RBMS3: variants seen among roughly 807,000 people sequenced by gnomAD.
The protein encoded by RBMS3 is RNA-binding motif, single-stranded-interacting protein 3.
In RBMS3, 27 loss-of-function variants were observed where a neutral mutation model predicts 66.8. That is an observed-to-expected ratio of 0.40 (90% CI 0.30 to 0.56). RBMS3 has a LOEUF of 0.56. RBMS3 is among the 20% of genes least tolerant of loss of function. The pLI is 0.40. For missense variants in RBMS3, 513 were observed against 549.5 expected (o/e 0.93, Z 0.66); for synonymous variants, 188 against 183.0 (o/e 1.03, Z -0.22).
chr3:29,887,182 G>A (rs958116658), intron 8 of RBMS3, among the ~76,000 whole-genome samples: 3 of 151,726 alleles, frequency 2.0e-5, no homozygotes, highest in Non-Finnish European at 2.9e-5. Context: ...ATGACCGACC[G>A]AAACTGGATG....
chr3:29,762,993 AG>A lies in RBMS3; in HGVS notation c.637+5del. 6.3e-7 allele frequency: 1 copy of A among 1,584,832 alleles called. No homozygotes were observed. Among genetic ancestry groups the A allele is most frequent in the Non-Finnish European group, 8.6e-7 (1 of 1,156,132 alleles). On this transcript the variant is annotated splice_donor_5th_base_variant and intron_variant, in intron 6 of 14. Coordinates refer to ENST00000383767, the MANE Select transcript of RBMS3 (RefSeq NM_001003793.3). ...AAAACACCACCAGGCATCCCAGGTA[AG>A]AAATTCACTAATAAGTGACTGAATG... is the stretch of plus-strand genomic sequence containing the variant.
At chr3:29,672,409 A>C (rs1389605033) in intron 4 of RBMS3, among the ~76,000 whole-genome samples, 1 of 152,204 alleles carries the variant, frequency 6.6e-6, no homozygotes, top group East Asian at 1.9e-4. Flanking sequence ...TAACGTCATA[A>C]TGACTGGATC....
intron 4 of RBMS3, among the ~76,000 whole-genome samples, chr3:29,683,136 C>T (rs1292761081): frequency 6.6e-6 from 1 of 152,134 alleles, no homozygotes; most frequent in Non-Finnish European, 1.5e-5. Context: ...TCCTACATAA[C>T]ACTTCAGCAG....
chr3:29,917,974 G>C (rs1362280619), intron 10 of RBMS3, among the ~76,000 whole-genome samples: 2 of 152,078 alleles, frequency 1.3e-5, no homozygotes, highest in African/African-American at 2.4e-5. Context: ...ATATAATATT[G>C]TATATACTAT....
intron 1 of RBMS3, among the ~76,000 whole-genome samples, chr3:29,356,770 A>G (rs892481371): frequency 6.6e-6 from 1 of 152,144 alleles, no homozygotes; most frequent in African/African-American, 2.4e-5. Flanking sequence ...ATATTCAGAT[A>G]CCTAATATGA....
chr3:29,920,067 C>T (rs930329903), intron 10 of RBMS3, among the ~76,000 whole-genome samples: 1 of 151,722 alleles, frequency 6.6e-6, no homozygotes, highest in Non-Finnish European at 1.5e-5. Flanking sequence ...GACTATTTAC[C>T]GCAGGTCTGA....
At chr3:29,660,198 CTTT>C (rs760126910) in intron 4 of RBMS3, among the ~76,000 whole-genome samples, 1 of 151,866 alleles carries the variant, frequency 6.6e-6, no homozygotes, top group East Asian at 1.9e-4. Flanking sequence ...CTTCAATTGT[CTTT>C]TTTTTACTTC....
chr3:29,355,186 C>T (rs1472737324), intron 1 of RBMS3, among the ~76,000 whole-genome samples: 1 of 152,068 alleles, frequency 6.6e-6, no homozygotes, highest in Non-Finnish European at 1.5e-5. Flanking sequence ...GTCAATCTTG[C>T]CTGTCTTTCT....
chr3:29,796,713 T>C (rs77034877), intron 6 of RBMS3, among the ~76,000 whole-genome samples: 1 of 47,058 alleles, frequency 2.1e-5, no homozygotes, highest in Non-Finnish European at 5.5e-5. Flanking sequence ...GAAAGGAATC[T>C]TTTTTTTTTT....
rs78255085 is a variant in RBMS3, at chr3:29,887,790, G to A, written c.791+3582G>A. 7.5e-3 allele frequency among the ~76,000 whole-genome samples: 1,136 copies of A among 151,890 alleles called. 15 individuals are homozygous for A. Among genetic ancestry groups the A allele is most frequent in the African/African-American group, 0.026 (1,098 of 41,494 alleles). On this transcript the variant is annotated intron_variant, in intron 8 of 14. Transcript: ENST00000383767. ...AAATGTGGAACTGAAGTTAGGGAAT[G>A]ATAACTTGTTATGCATGATTTTAAT...
intron 6 of RBMS3, among the ~76,000 whole-genome samples, chr3:29,868,295 C>A (rs887428679): frequency 6.6e-5 from 10 of 152,066 alleles, no homozygotes; most frequent in African/African-American, 2.2e-4. Context: ...ATTGTTCTCC[C>A]TGGGATTCTG....
chr3:29,642,540 G>C (rs1206323118), intron 4 of RBMS3: 2 of 151,960 alleles, frequency 1.3e-5, no homozygotes, highest in Non-Finnish European at 1.5e-5. Flanking sequence ...CCCATCTCTT[G>C]CCAGAGGCCA....
chr3:29,618,828 G>T (rs1281832419), intron 4 of RBMS3, among the ~76,000 whole-genome samples: 1 of 152,136 alleles, frequency 6.6e-6, no homozygotes, highest in African/African-American at 2.4e-5. Flanking sequence ...CTGGAATGCT[G>T]CTTTAATTTG....
rs1576596691 is a variant in RBMS3, at chr3:29,714,445, A to G, written c.400-25275A>G. ...ATGGGACAGTATCTATGAGACATCC[A>G]AGTGGAAATGTTGAATAGACAGCCA... On this transcript the variant is annotated intron_variant, in intron 4 of 14. Transcript: ENST00000383767. 2.0e-5 allele frequency among the ~76,000 whole-genome samples: 3 copies of G among 152,290 alleles called. No homozygotes were observed. In the South Asian group the frequency reaches 6.2e-4, roughly 32 times the overall value.
chr3:29,509,460 A>G (rs548388231), intron 3 of RBMS3, among the ~76,000 whole-genome samples: 10 of 152,324 alleles, frequency 6.6e-5, no homozygotes, highest in African/African-American at 2.4e-4. Flanking sequence ...TTCATTTTCT[A>G]GGTGAAAGAG....
intron 5 of RBMS3, among the ~76,000 whole-genome samples, chr3:29,761,506 C>G (rs2055687309): frequency 6.6e-6 from 1 of 152,106 alleles, no homozygotes; most frequent in African/African-American, 2.4e-5. Context: ...AGCTCAGCCC[C>G]CTGCCCTAAT....
intron 3 of RBMS3, among the ~76,000 whole-genome samples, chr3:29,506,097 G>A (rs1559419738): frequency 6.6e-6 from 1 of 151,524 alleles, no homozygotes; most frequent in Non-Finnish European, 1.5e-5. Context: ...TTCTCGCTAG[G>A]GGACGTCCAG....
intron 6 of RBMS3, among the ~76,000 whole-genome samples, chr3:29,861,129 A>T (rs567729836): frequency 1.3e-5 from 2 of 152,182 alleles, no homozygotes; most frequent in Non-Finnish European, 2.9e-5. Flanking sequence ...TTCAATTGAG[A>T]AATAATTTAC....
chr3:29,825,878 A>T (rs1483964427), intron 6 of RBMS3, among the ~76,000 whole-genome samples: 1 of 152,208 alleles, frequency 6.6e-6, no homozygotes, highest in Admixed American at 6.5e-5. Context: ...TAATAATCAA[A>T]TCTATTTCAA....
Sources: gnomAD v4.1 joint callset for allele counts (sites outside exome capture counted in the v4.1 genomes callset) on GRCh38, gnomAD v4.1.1 for gene constraint, MANE v1.5 for transcripts, NCBI Gene and HGNC (gene_info 2026-07-23, HGNC 2026-07-21) for gene names.